Variants in CTNNBL1 observed in about 807,000 individuals in gnomAD.
CTNNBL1 encodes catenin beta like 1.
Under a neutral mutation model 72.7 loss-of-function variants are expected in CTNNBL1, and 31 were observed. The ratio of observed to expected loss-of-function variants is 0.43; its 90% CI spans 0.32 to 0.58. The LOEUF (loss-of-function observed/expected upper bound fraction) is 0.58, where lower values mean the gene tolerates loss of function less well. CTNNBL1 is among the 20% of genes least tolerant of loss of function. The probability of loss-of-function intolerance (pLI) is 0.08; values close to 1 mark genes in which losing one functional copy is unlikely to be tolerated. For synonymous variants in CTNNBL1, 240 were observed against 267.3 expected, an observed-to-expected ratio of 0.90 and a Z score of 1.00; for missense variants, 534 against 725.1, an observed-to-expected ratio of 0.74 and a Z score of 3.03.
At position 37,860,027 on chromosome 20, in the gene CTNNBL1, T is replaced by C. The variant is rs745803452; in HGVS notation, c.1521T>C (p.Asn507=). ...TCATGGCCGAGATCTGCAATGCCAA[T>C]GTCCCCCAGGTAGGAGGGTCTTCCC... The part of the protein sequence containing the change: ...CYIMAEICNA[N]VPQIRQRVHQ... Residue 507 remains asparagine (N), a synonymous_variant, in exon 14 of 16, where the codon AAT becomes AAC. Coordinates refer to ENST00000361383, the MANE Select transcript of CTNNBL1 (RefSeq NM_030877.5). 9 of 1,614,100 alleles carry C rather than the reference T, an allele frequency of 5.6e-6. No individual in the cohort carries two copies. The African/African-American group carries it at 1.2e-4, about 22-fold the overall frequency.
intron 1 of CTNNBL1, among the ~76,000 whole-genome samples, chr20:37,696,184 A>G (rs1453767190): frequency 6.6e-6 from 1 of 152,184 alleles, no homozygotes; most frequent in Non-Finnish European, 1.5e-5. Flanking sequence ...AAAAGACAAG[A>G]TTCTTGCTTT....
rs6125985 is a variant in CTNNBL1, at chr20:37,722,174, T to G, written c.31-10705T>G. ...TTATGTTCTTTGTCAAAAGCTGGCT[T>G]TAAGTTATTTAAAGTCTGGTCAGGC... On this transcript the variant is annotated intron_variant, in intron 1 of 15. Transcript: ENST00000361383. Among the ~76,000 whole-genome samples, 426 of 152,292 alleles carry G rather than the reference T, an allele frequency of 2.8e-3. 5 individuals carry two copies. The highest frequency in any genetic ancestry group is 0.017 in the East Asian group (89 of 5,190).
At chr20:37,869,476 A>T (rs2072564654) in intron 15 of CTNNBL1, among the ~76,000 whole-genome samples, 3 of 152,186 alleles carry the variant, frequency 2.0e-5, no homozygotes, top group Non-Finnish European at 4.4e-5. Context: ...ACTGCAGGAG[A>T]TCCTTCAGCA....
chr20:37,734,874 A>C (rs1246426752), intron 2 of CTNNBL1, among the ~76,000 whole-genome samples: 2 of 152,230 alleles, frequency 1.3e-5, no homozygotes, highest in Non-Finnish European at 2.9e-5. Flanking sequence ...AAAGGAGGGA[A>C]GGCCAAACCC....
chr20:37,799,162 T>C (rs560228876), intron 10 of CTNNBL1, among the ~76,000 whole-genome samples: 4 of 152,358 alleles, frequency 2.6e-5, no homozygotes, highest in Non-Finnish European at 4.4e-5. Context: ...CAGAGTCTCC[T>C]AACTGTCCTC....
intron 1 of CTNNBL1, among the ~76,000 whole-genome samples, chr20:37,710,054 T>G (rs2072923962): frequency 6.6e-6 from 1 of 152,264 alleles, no homozygotes; most frequent in South Asian, 2.1e-4. Context: ...TTATGCGTCC[T>G]CTTTTCCATG....
intron 9 of CTNNBL1, among the ~76,000 whole-genome samples, chr20:37,778,960 T>G (rs886182062): frequency 6.6e-6 from 1 of 152,168 alleles, no homozygotes; most frequent in Non-Finnish European, 1.5e-5. Context: ...CAATTACTGA[T>G]GGACCCAGTG....
chr20:37,752,432 T>C (rs2073327797), intron 4 of CTNNBL1, among the ~76,000 whole-genome samples: 1 of 152,224 alleles, frequency 6.6e-6, no homozygotes, highest in African/African-American at 2.4e-5. Flanking sequence ...GAAAAGATAT[T>C]TTTTAACTCA....
chr20:37,807,726 A>T (rs2071972091), intron 11 of CTNNBL1, among the ~76,000 whole-genome samples: 1 of 152,212 alleles, frequency 6.6e-6, no homozygotes, highest in Non-Finnish European at 1.5e-5. Context: ...GGTTTGCATA[A>T]TAAAACCTTC....
rs758269905 is a variant in CTNNBL1 at position 37,765,209 on chromosome 20, G to A, written c.577G>A (p.Val193Met). ...GCTATTCTTGCAGGTGGATGGGCAG[G>A]TGGTAGCACTGCTGGTACAGAATCT... ...VLIDALVDGQ[V>M]VALLVQNLER... The change falls in exon 6 of 16, where the codon GTG becomes ATG. Residue 193 changes from valine (V) to methionine (M), a missense_variant. Coordinates refer to ENST00000361383, the MANE Select transcript of CTNNBL1 (RefSeq NM_030877.5). 31 of 1,551,198 alleles carry A rather than the reference G, an allele frequency of 2.0e-5. No individual in the cohort carries two copies. Among genetic ancestry groups the A allele is most frequent in the Middle Eastern group, 1.7e-4 (1 of 6,010 alleles).
In CTNNBL1 at chr20:37,859,965, G is replaced by A; in HGVS notation, c.1459G>A (p.Asp487Asn). 1 of 1,614,204 alleles carries A rather than the reference G, an allele frequency of 6.2e-7. No homozygotes were observed. The highest frequency in any genetic ancestry group is 8.5e-7 in the Non-Finnish European group (1 of 1,180,046). ...GGAGGAGTTCTACCTCCGGCGCCTGGATGCGGGGCTCTTTGTTCTCCAGCA... is the reference window on the plus strand; with the variant it reads ...GGAGGAGTTCTACCTCCGGCGCCTGAATGCGGGGCTCTTTGTTCTCCAGCA... ...TEEEFYLRRL[D>N]AGLFVLQHIC... The change falls in exon 14 of 16, where the codon GAT becomes AAT. Residue 487 changes from aspartate (D) to asparagine (N), a missense_variant. By Grantham distance (23) the Asp-to-Asn change is conservative. Transcript: ENST00000361383.
At chr20:37,787,080 AT>A (rs537867428) in intron 10 of CTNNBL1, among the ~76,000 whole-genome samples, 31 of 138,188 alleles carry the variant, frequency 2.2e-4, no homozygotes, top group Admixed American at 3.6e-4. Context: ...ATGGTTGTGG[AT>A]TTTTTTTTTT....
chr20:37,754,282 CT>C (rs369597087), intron 4 of CTNNBL1, among the ~76,000 whole-genome samples: 9,745 of 111,758 alleles, frequency 0.087, 224 homozygotes, highest in African/African-American at 0.19. Context: ...TATTTATTTG[CT>C]TTTTTTTTTT....
At chr20:37,784,346 A>G (rs1344720261) in intron 10 of CTNNBL1, among the ~76,000 whole-genome samples, 2 of 152,078 alleles carry the variant, frequency 1.3e-5, no homozygotes, top group African/African-American at 2.4e-5. Flanking sequence ...GTCCATTTAT[A>G]TTCCATATTA....
At chr20:37,810,747 G>A (rs369609749) in intron 11 of CTNNBL1, among the ~76,000 whole-genome samples, 90 of 152,132 alleles carry the variant, frequency 5.9e-4, no homozygotes, top group Non-Finnish European at 4.6e-4. Flanking sequence ...ATGGCAGAGG[G>A]GACAGTGGGC....
chr20:37,853,737 C>T (rs148217281), intron 13 of CTNNBL1, among the ~76,000 whole-genome samples: 121 of 152,296 alleles, frequency 7.9e-4, no homozygotes, highest in African/African-American at 2.8e-3. Context: ...GAGGACTGCC[C>T]ACACTTTCTC....
At chr20:37,751,634 AACTG>A (rs2073320713) in intron 4 of CTNNBL1, 1 of 152,220 alleles carries the variant, frequency 6.6e-6, no homozygotes, top group Non-Finnish European at 1.5e-5. Flanking sequence ...AAGTGGAACA[AACTG>A]ACTGAGACTT....
intron 11 of CTNNBL1, among the ~76,000 whole-genome samples, chr20:37,811,990 G>A (rs1295361847): frequency 1.3e-5 from 2 of 152,188 alleles, no homozygotes; most frequent in Non-Finnish European, 2.9e-5. Context: ...CCAACACCAG[G>A]GTGGCTCCAG....
chr20:37,853,784 T>C (rs1457938814), intron 13 of CTNNBL1, among the ~76,000 whole-genome samples: 6 of 152,264 alleles, frequency 3.9e-5, no homozygotes, highest in African/African-American at 7.2e-5. Context: ...GCTTATTTTA[T>C]TTCCTTTTAA....
Sources: allele counts gnomAD v4.1 joint callset (sites outside exome capture counted in the v4.1 genomes callset), GRCh38; gene constraint gnomAD v4.1.1; transcripts MANE v1.5; gene names NCBI Gene and HGNC (gene_info 2026-07-23, HGNC 2026-07-21).